Variants in ENOX2 observed in about 807,000 individuals in gnomAD.
The protein encoded by ENOX2 is ecto-NOX disulfide-thiol exchanger 2.
ENOX2 carries 36 observed loss-of-function variants against 45.0 expected under a neutral mutation model. The ratio of observed to expected loss-of-function variants is 0.80; its 90% CI spans 0.61 to 1.06. The LOEUF (loss-of-function observed/expected upper bound fraction) is 1.06, where lower values mean the gene tolerates loss of function less well. ENOX2 is among the 50% of genes least tolerant of loss of function. The pLI is 0.00. For missense variants in ENOX2, 423 were observed against 462.5 expected, an observed-to-expected ratio of 0.91 and a Z score of 0.78; for synonymous variants, 174 against 152.3, an observed-to-expected ratio of 1.14 and a Z score of -1.05.
At chrX:130,767,273 C>T (rs1156874465) in intron 3 of ENOX2, among the ~76,000 whole-genome samples, 3 of 111,571 alleles carry the variant, frequency 2.7e-5, no homozygotes, top group Admixed American at 9.5e-5. Context: ...GAATGCTACA[C>T]GAGAGCAGGA....
chrX:130,720,123 G>A (rs2038437638), intron 3 of ENOX2, among the ~76,000 whole-genome samples: 1 of 112,258 alleles, frequency 8.9e-6, no homozygotes, highest in African/African-American at 3.2e-5. Context: ...GAGTACTAAC[G>A]ATAATGGGTG....
intron 3 of ENOX2, among the ~76,000 whole-genome samples, chrX:130,703,551 C>T (rs2037960458): frequency 9.1e-6 from 1 of 109,943 alleles, no homozygotes; most frequent in South Asian, 3.9e-4. Context: ...TTCAAGCATA[C>T]ACAACAGAGG....
intron 2 of ENOX2, among the ~76,000 whole-genome samples, chrX:130,799,767 A>G (rs1225602037): frequency 9.0e-6 from 1 of 111,728 alleles, no homozygotes; most frequent in Non-Finnish European, 1.9e-5. Context: ...GCAGAAAAGG[A>G]GAGCAGGGAG....
chrX:130,695,014 A>G (rs895113237), intron 4 of ENOX2, among the ~76,000 whole-genome samples: 31 of 112,108 alleles, frequency 2.8e-4, no homozygotes, highest in African/African-American at 9.4e-4. Context: ...AGATGAGGAA[A>G]CTGAAGCTGA....
intron 3 of ENOX2, among the ~76,000 whole-genome samples, chrX:130,742,933 A>G (rs191352295): frequency 3.1e-4 from 35 of 112,369 alleles, no homozygotes; most frequent in African/African-American, 1.0e-3. Flanking sequence ...ATCAAACCAC[A>G]TGGATTCAAG....
chrX:130,642,289 G>A (rs180722901), intron 10 of ENOX2, among the ~76,000 whole-genome samples: 1 of 111,794 alleles, frequency 8.9e-6, no homozygotes, highest in Non-Finnish European at 1.9e-5. Context: ...GGAATAGCAA[G>A]ACATCTAGAA....
At chrX:130,681,704 C>T (rs5977344) in intron 5 of ENOX2, among the ~76,000 whole-genome samples, 8,981 of 111,639 alleles carry the variant, frequency 0.08, 837 homozygotes, top group African/African-American at 0.28. Context: ...GTAGGATAAC[C>T]GATAATATAC....
Position 130,682,900 on chromosome X carries a change from T to C in ENOX2, c.254-3152A>G, listed in dbSNP as rs184033956. Among the ~76,000 whole-genome samples, 720 of 111,425 alleles carry C rather than the reference T, an allele frequency of 6.5e-3. 9 individuals carry two copies. The highest frequency in any genetic ancestry group is 0.022 in the African/African-American group (682 of 30,595). On this transcript the variant is annotated intron_variant, in intron 5 of 14. Transcript: ENST00000394363. ...TTGTCGTCTGGGCCTGATTTTCTAA[T>C]CCCACTGAAATACAGTGATCAGGGC...
intron 2 of ENOX2, among the ~76,000 whole-genome samples, chrX:130,811,461 G>A (rs895337430): frequency 8.9e-6 from 1 of 112,242 alleles, no homozygotes; most frequent in African/African-American, 3.2e-5. Flanking sequence ...CCATCCACCT[G>A]CTGACCCAGG....
chrX:130,798,596 A>AATATTGG (rs1338483030), intron 2 of ENOX2, among the ~76,000 whole-genome samples: 93 of 112,635 alleles, frequency 8.3e-4, no homozygotes, highest in African/African-American at 2.7e-3. Context: ...AAAGAACTGA[A>AATATTGG]ATATTGGAAA....
chrX:130,826,108 C>T (rs1161929432), intron 2 of ENOX2, among the ~76,000 whole-genome samples: 1 of 110,751 alleles, frequency 9.0e-6, no homozygotes, highest in South Asian at 3.8e-4. Flanking sequence ...TACTGTATAC[C>T]ATGTTTTCTC....
intron 3 of ENOX2, among the ~76,000 whole-genome samples, chrX:130,779,112 T>C (rs1013209437): frequency 9.8e-5 from 11 of 112,585 alleles, no homozygotes; most frequent in Non-Finnish European, 1.5e-4. Flanking sequence ...AGTTGGCAAC[T>C]TTGAGAAACG....
intron 3 of ENOX2, among the ~76,000 whole-genome samples, chrX:130,751,816 T>C (rs1204902877): frequency 8.9e-6 from 1 of 112,432 alleles, no homozygotes; most frequent in African/African-American, 3.2e-5. Context: ...TGACTAGTAA[T>C]GTTGAACATC....
At chrX:130,736,374 T>A (rs1182108536) in intron 3 of ENOX2, among the ~76,000 whole-genome samples, 1 of 110,863 alleles carries the variant, frequency 9.0e-6, no homozygotes, top group Non-Finnish European at 1.9e-5. Flanking sequence ...AAAAAAATGC[T>A]ATGGGATTGT....
intron 3 of ENOX2, among the ~76,000 whole-genome samples, chrX:130,755,850 C>G (rs2039342226): frequency 9.1e-6 from 1 of 110,188 alleles, no homozygotes; most frequent in South Asian, 3.9e-4. Flanking sequence ...TTTTTGTACC[C>G]ATTAATCCTC....
chrX:130,883,798 C>A (rs2078859266), intron 2 of ENOX2, among the ~76,000 whole-genome samples: 1 of 111,501 alleles, frequency 9.0e-6, no homozygotes, highest in South Asian at 3.8e-4. Flanking sequence ...TCAACTTCAG[C>A]TCCCTGAACA....
intron 3 of ENOX2, among the ~76,000 whole-genome samples, chrX:130,740,031 G>A (rs1434351404): frequency 9.0e-6 from 1 of 111,323 alleles, no homozygotes; most frequent in African/African-American, 3.3e-5. Flanking sequence ...AATATTTACT[G>A]AAAATCTACA....
At chrX:130,632,409 A>G (rs1256757466) in intron 12 of ENOX2, among the ~76,000 whole-genome samples, 1 of 97,365 alleles carries the variant, frequency 1.0e-5, no homozygotes, top group Non-Finnish European at 2.1e-5. Flanking sequence ...GAAATCCATG[A>G]CCAGCAGTCA....
In ENOX2 at chrX:130,832,469, A is replaced by ACC. The variant is rs1556500655; in HGVS notation, c.-182-48781_-182-48780dup. 3.6e-3 allele frequency among the ~76,000 whole-genome samples: 376 copies of ACC among 104,996 alleles called. 2 individuals are homozygous for ACC. Among genetic ancestry groups the ACC allele is most frequent in the African/African-American group, 0.013 (358 of 28,390 alleles). The allele number at this position is 104,996 out of a possible 115,157, so 91.2% of individuals were successfully genotyped here. ...CACACACACACACACACACACACAC[A>ACC]CCCCACTTGGGAACTGACTTTTCTA... is the stretch of plus-strand genomic sequence containing the variant. On this transcript the variant is annotated intron_variant, in intron 2 of 14. Transcript: ENST00000394363.
Sources: allele counts gnomAD v4.1 joint callset (sites outside exome capture counted in the v4.1 genomes callset), GRCh38; gene constraint gnomAD v4.1.1; transcripts MANE v1.5; gene names NCBI Gene and HGNC (gene_info 2026-07-23, HGNC 2026-07-21).